Variants in EPB41L4B observed in about 807,000 individuals in gnomAD.
EPB41L4B encodes the protein erythrocyte membrane protein band 4.1 like 4B.
EPB41L4B carries 30 observed loss-of-function variants against 112.5 expected under a neutral mutation model. The observed-to-expected ratio is 0.27, with a 90% CI of 0.20 to 0.36. The LOEUF (loss-of-function observed/expected upper bound fraction) is 0.36, where lower values mean the gene tolerates loss of function less well. Among genes scored for constraint, EPB41L4B ranks in the 10% least tolerant of loss-of-function variants. The probability of loss-of-function intolerance (pLI) is 1.00; values close to 1 mark genes in which losing one functional copy is unlikely to be tolerated. For missense variants in EPB41L4B, 1,024 were observed against 1,133.3 expected, an observed-to-expected ratio of 0.90 and a Z score of 1.38; for synonymous variants, 408 against 439.7, an observed-to-expected ratio of 0.93 and a Z score of 0.90.
intron 15 of EPB41L4B, among the ~76,000 whole-genome samples, chr9:109,226,274 T>C (rs563889733): frequency 3.3e-5 from 5 of 152,198 alleles, no homozygotes; most frequent in Admixed American, 3.3e-4. Context: ...GTATTTCTCC[T>C]TCATTTCTTC....
At chr9:109,184,322 T>C (rs2118631390) in intron 23 of EPB41L4B, among the ~76,000 whole-genome samples, 1 of 152,326 alleles carries the variant, frequency 6.6e-6, no homozygotes, top group South Asian at 2.1e-4. Flanking sequence ...CAGGTTCAAA[T>C]GATTCTCTTG....
rs769027163 is a variant in EPB41L4B at position 109,291,505 on chromosome 9, C to T, written c.307-11584G>A. ...TCACAAACTAACACAGAGGCCAAGA[C>T]GCTGTAGTGAGAAGGGACGTCAACA... On this transcript the variant is annotated intron_variant, in intron 1 of 25. Transcript: ENST00000374566. Among the ~76,000 whole-genome samples the T allele has an allele frequency of 2.0e-5, 3 of 152,110 alleles. No individual in the cohort carries two copies. In the East Asian group the frequency reaches 5.8e-4, roughly 29 times the overall value.
chr9:109,206,458 C>T (rs1486797560), intron 18 of EPB41L4B, among the ~76,000 whole-genome samples: 1 of 152,242 alleles, frequency 6.6e-6, no homozygotes, highest in Non-Finnish European at 1.5e-5. Flanking sequence ...GCTGAGGCTA[C>T]AGGCATGAGC....
At chr9:109,309,755 C>CAGAGAGAGAGAGAGAGAGAGAGAG (rs34950010) in intron 1 of EPB41L4B, among the ~76,000 whole-genome samples, 3 of 142,136 alleles carry the variant, frequency 2.1e-5, no homozygotes, top group African/African-American at 7.9e-5. Flanking sequence ...AATACACACA[C>CAGAGAGAGAGAGAGAGAGAGAGAG]AGAGAGAGAG....
chr9:109,278,637 C>A (rs890920258), intron 2 of EPB41L4B, among the ~76,000 whole-genome samples: 1 of 152,152 alleles, frequency 6.6e-6, no homozygotes, highest in African/African-American at 2.4e-5. Flanking sequence ...GGAACCCAGA[C>A]TTTAATACAC....
chr9:109,276,154 TACACACACACACACACACACACAC>T (rs66791042), intron 2 of EPB41L4B, among the ~76,000 whole-genome samples: 35 of 141,758 alleles, frequency 2.5e-4, no homozygotes, highest in Admixed American at 2.1e-4. Flanking sequence ...CGTGTGTGTA[TACACACACACACACACACACACAC>T]ACACACACAC....
intron 2 of EPB41L4B, among the ~76,000 whole-genome samples, chr9:109,276,875 T>C (rs923348025): frequency 6.6e-6 from 1 of 152,238 alleles, no homozygotes; most frequent in African/African-American, 2.4e-5. Context: ...TCCTCCTTTC[T>C]AACTAGAGAA....
At chr9:109,256,877 G>T (rs1438686457) in intron 7 of EPB41L4B, among the ~76,000 whole-genome samples, 1 of 152,228 alleles carries the variant, frequency 6.6e-6, no homozygotes, top group Non-Finnish European at 1.5e-5. Flanking sequence ...GGGAGGCGGA[G>T]GTTGCAGTGA....
chr9:109,248,462 C>G (rs940140981), intron 13 of EPB41L4B, among the ~76,000 whole-genome samples: 1 of 152,164 alleles, frequency 6.6e-6, no homozygotes, highest in Non-Finnish European at 1.5e-5. Flanking sequence ...GAAACCTGCT[C>G]AGGGTCGCCT....
chr9:109,186,771 T>C (rs1189470474), intron 22 of EPB41L4B, among the ~76,000 whole-genome samples: 1 of 152,168 alleles, frequency 6.6e-6, no homozygotes, highest in East Asian at 1.9e-4. Flanking sequence ...GCATGATCCA[T>C]TGTGCCCAGC....
intron 1 of EPB41L4B, among the ~76,000 whole-genome samples, chr9:109,298,031 T>C (rs542730811): frequency 6.6e-6 from 1 of 152,284 alleles, no homozygotes; most frequent in African/African-American, 2.4e-5. Context: ...ATAGCCTTTT[T>C]TCTTCTGGGT....
intron 17 of EPB41L4B, among the ~76,000 whole-genome samples, chr9:109,212,954 G>T (rs991982959): frequency 2.0e-5 from 3 of 152,314 alleles, no homozygotes; most frequent in African/African-American, 7.2e-5. Flanking sequence ...GTTGAGAAAC[G>T]CTGGCAAAGA....
At chr9:109,294,220 G>A (rs1836646965) in intron 1 of EPB41L4B, among the ~76,000 whole-genome samples, 1 of 151,602 alleles carries the variant, frequency 6.6e-6, no homozygotes. Flanking sequence ...CAGGAGAATG[G>A]CGTGAACTCA....
chr9:109,276,545 GC>G (rs1363801220), intron 2 of EPB41L4B, among the ~76,000 whole-genome samples: 8 of 152,168 alleles, frequency 5.3e-5, no homozygotes, highest in African/African-American at 1.9e-4. Flanking sequence ...GAGGACCCTC[GC>G]CCTCCCACCT....
chr9:109,255,847 G>A lies in EPB41L4B; in HGVS notation c.930-4C>T. The A allele has an allele frequency of 6.2e-7, 1 of 1,612,338 alleles. No homozygotes were observed. Among genetic ancestry groups the A allele is most frequent in the Non-Finnish European group, 8.5e-7 (1 of 1,179,538 alleles). ...ATCCATTTTGGTAATTTTAGGCCTA[G>A]TCAGACAGAAAGCATTTTAAAAGCA... is the stretch of plus-strand genomic sequence containing the variant. On this transcript the variant is annotated splice_polypyrimidine_tract_variant and splice_region_variant and intron_variant, in intron 9 of 25. Coordinates refer to ENST00000374566, the MANE Select transcript of EPB41L4B (RefSeq NM_019114.5).
chr9:109,301,170 T>G (rs1409376374), intron 1 of EPB41L4B: 1 of 152,246 alleles, frequency 6.6e-6, no homozygotes, highest in African/African-American at 2.4e-5. Flanking sequence ...AGATCCTGCA[T>G]CTGCCCCAAG....
chr9:109,250,229 T>A (rs1273994553), intron 13 of EPB41L4B, among the ~76,000 whole-genome samples: 1 of 152,126 alleles, frequency 6.6e-6, no homozygotes, highest in Non-Finnish European at 1.5e-5. Flanking sequence ...GGCCCAGAAG[T>A]AGGAAGGCCT....
chr9:109,192,312 T>C lies in EPB41L4B; in HGVS notation c.2267A>G (p.Asp756Gly). Residue 756 changes from aspartate to glycine, a missense_variant, in exon 22 of 26, where the codon GAT (aspartate) becomes GGT (glycine). Transcript: ENST00000374566. Reference sequence around the variant, plus strand: ...GGCTTCTGTGAAATCCATCAGAAGATCACCCGGCTCCAGGGTAAAGGCACC... The same window carrying C: ...GGCTTCTGTGAAATCCATCAGAAGACCACCCGGCTCCAGGGTAAAGGCACC... ...RGGAFTLEPG[D>G]LLMDFTEATP... 1.2e-6 allele frequency: 2 copies of C among 1,612,352 alleles called. No homozygotes were observed. The highest frequency in any genetic ancestry group is 1.7e-6 in the Non-Finnish European group (2 of 1,179,274).
At chr9:109,238,229 C>T (rs775265384) in intron 15 of EPB41L4B, among the ~76,000 whole-genome samples, 4 of 152,154 alleles carry the variant, frequency 2.6e-5, no homozygotes, top group African/African-American at 7.2e-5. Flanking sequence ...GTCTACCTAC[C>T]GGGGTTTCCA....
Sources: allele counts gnomAD v4.1 joint callset (sites outside exome capture counted in the v4.1 genomes callset), GRCh38; gene constraint gnomAD v4.1.1; transcripts MANE v1.5; gene names NCBI Gene and HGNC (gene_info 2026-07-23, HGNC 2026-07-21).